DNAH6: variants seen among roughly 807,000 people sequenced by gnomAD.
DNAH6 encodes dynein axonemal heavy chain 6.
Under a neutral mutation model 491.4 loss-of-function variants are expected in DNAH6, and 340 were observed. The ratio of observed to expected loss-of-function variants is 0.69; its 90% CI spans 0.63 to 0.76. The LOEUF is 0.76. Ranked by LOEUF, DNAH6 falls within the 30% of genes least tolerant of loss-of-function variation. DNAH6 has a pLI of 0.00. For synonymous variants in DNAH6, 1,603 were observed against 1,686.1 expected (o/e 0.95, Z 1.21); for missense variants, 4,443 against 4,972.2 (o/e 0.89, Z 3.20).
At chr2:84,735,415 A>G (rs528397706) in intron 62 of DNAH6, among the ~76,000 whole-genome samples, 1 of 152,226 alleles carries the variant, frequency 6.6e-6, no homozygotes, top group Non-Finnish European at 1.5e-5. Context: ...ATACCCAGTA[A>G]TGGGATTGTG....
intron 29 of DNAH6, among the ~76,000 whole-genome samples, chr2:84,631,238 A>G (rs780960726): frequency 6.6e-6 from 1 of 152,076 alleles, no homozygotes; most frequent in Non-Finnish European, 1.5e-5. Flanking sequence ...AACACACAAG[A>G]ATGCTGTCCA....
At chr2:84,771,815 A>G (rs940665823) in intron 64 of DNAH6, among the ~76,000 whole-genome samples, 20 of 152,214 alleles carry the variant, frequency 1.3e-4, no homozygotes, top group African/African-American at 4.6e-4. Flanking sequence ...ACTGCCCTAC[A>G]AGAAATACTA....
At chr2:84,813,377 G>A (rs1361571012) in intron 74 of DNAH6, among the ~76,000 whole-genome samples, 2 of 152,198 alleles carry the variant, frequency 1.3e-5, no homozygotes, top group Non-Finnish European at 2.9e-5. Context: ...AGGCACTGCT[G>A]CCTCCACAAA....
the DNAH6 span, among the ~76,000 whole-genome samples, chr2:84,495,858 T>C: frequency 6.6e-6 from 1 of 152,176 alleles, no homozygotes; most frequent in Non-Finnish European, 1.5e-5. Context: ...TGAGAGGTGA[T>C]TGGTCACAGA....
intron 62 of DNAH6, among the ~76,000 whole-genome samples, chr2:84,735,280 T>C (rs1699446215): frequency 6.6e-6 from 1 of 152,248 alleles, no homozygotes; most frequent in Admixed American, 6.5e-5. Context: ...TACCACATTT[T>C]CTTTGTCCAG....
intron 21 of DNAH6, among the ~76,000 whole-genome samples, chr2:84,609,299 G>T (rs1686083921): frequency 2.0e-5 from 3 of 152,038 alleles, no homozygotes; most frequent in African/African-American, 4.8e-5. Flanking sequence ...TTAATTGTTT[G>T]GTGCAAGAGG....
intron 63 of DNAH6, among the ~76,000 whole-genome samples, chr2:84,757,053 G>A (rs1674104320): frequency 6.6e-6 from 1 of 152,174 alleles, no homozygotes; most frequent in African/African-American, 2.4e-5. Flanking sequence ...TTTGCAGAGG[G>A]TGATCTTTAA....
intron 67 of DNAH6, 39 bp from the exon 68 acceptor site, chr2:84,787,125 T>C (rs567674452): frequency 7.0e-7 from 1 of 1,437,644 alleles, no homozygotes; most frequent in Admixed American, 2.8e-5. Flanking sequence ...ATTAATTTTA[T>C]CAAATTTTAT....
intron 65 of DNAH6, among the ~76,000 whole-genome samples, chr2:84,782,674 CTT>C (rs1040311895): frequency 6.6e-6 from 1 of 152,172 alleles, no homozygotes; most frequent in Non-Finnish European, 1.5e-5. Flanking sequence ...TATTTCCACT[CTT>C]TTGCTGTCAA....
chr2:84,521,707 C>T (rs1404129741), intron 2 of DNAH6, among the ~76,000 whole-genome samples: 5 of 152,106 alleles, frequency 3.3e-5, no homozygotes, highest in African/African-American at 1.2e-4. Flanking sequence ...CCAGTTATCC[C>T]AGTACCATTT....
intron 68 of DNAH6, among the ~76,000 whole-genome samples, 190 bp from the exon 69 acceptor site, chr2:84,796,116 A>AT (rs1394377357): frequency 6.6e-6 from 1 of 152,124 alleles, no homozygotes; most frequent in African/African-American, 2.4e-5. Flanking sequence ...CATATAGTAG[A>AT]TTTTTTCTAC....
At chr2:84,819,228 C>T (rs1218159634) in intron 76 of DNAH6, 77 bp from the exon 77 acceptor site, 3 of 1,069,452 alleles carry the variant, frequency 2.8e-6, no homozygotes, top group Non-Finnish European at 2.7e-6. Context: ...GATGTCTTGA[C>T]TCTTTGTAGC....
Position 84,577,421 on chromosome 2 carries a change from T to C in DNAH6, c.2076+13T>C, listed in dbSNP as rs551742120. On this transcript the variant is annotated intron_variant, in intron 13 of 76. Coordinates refer to ENST00000389394, the MANE Select transcript of DNAH6 (RefSeq NM_001370.2). Reference sequence around the variant, plus strand: ...GCGATGCTTAGAGGTAACTATAAACTAGAAAAAAAAATAATTATTCCTCTA... The same window carrying C: ...GCGATGCTTAGAGGTAACTATAAACCAGAAAAAAAAATAATTATTCCTCTA... 110 of 1,537,436 alleles carry C rather than the reference T, an allele frequency of 7.2e-5. No homozygotes were observed. The South Asian group carries it at 1.1e-3, about 15-fold the overall frequency.
chr2:84,606,235 T>TA (rs1174025669), intron 20 of DNAH6, among the ~76,000 whole-genome samples: 1 of 152,066 alleles, frequency 6.6e-6, no homozygotes, highest in Non-Finnish European at 1.5e-5. Flanking sequence ...AGGCCAGAAT[T>TA]AGAGATAAAA....
chr2:84,744,513 A>T (rs2105040627), intron 62 of DNAH6, among the ~76,000 whole-genome samples: 1 of 152,356 alleles, frequency 6.6e-6, no homozygotes, highest in South Asian at 2.1e-4. Flanking sequence ...ATGTCAACGT[A>T]TTCAGCTATT....
intron 15 of DNAH6, among the ~76,000 whole-genome samples, chr2:84,586,195 T>C (rs528056033): frequency 6.6e-6 from 1 of 152,314 alleles, no homozygotes; most frequent in South Asian, 2.1e-4. Context: ...AGCACAGGAC[T>C]GCCTGAGTCT....
chr2:84,550,264 A>T (rs1438469412), intron 9 of DNAH6, among the ~76,000 whole-genome samples: 1 of 152,108 alleles, frequency 6.6e-6, no homozygotes, highest in Non-Finnish European at 1.5e-5. Flanking sequence ...TCGGGATGAA[A>T]CTGTTCCACC....
intron 61 of DNAH6, among the ~76,000 whole-genome samples, chr2:84,730,576 A>G (rs969500941): frequency 1.3e-5 from 2 of 152,150 alleles, no homozygotes; most frequent in African/African-American, 4.8e-5. Flanking sequence ...CAAAAAAAAA[A>G]TCTCATAATG....
At chr2:84,610,181 G>A (rs1686188396) in intron 21 of DNAH6, among the ~76,000 whole-genome samples, 1 of 152,128 alleles carries the variant, frequency 6.6e-6, no homozygotes, top group African/African-American at 2.4e-5. Context: ...TCAGCTAGAG[G>A]CCATCCTCAG....
Sources: allele counts gnomAD v4.1 joint callset (sites outside exome capture counted in the v4.1 genomes callset), GRCh38; gene constraint gnomAD v4.1.1; transcripts MANE v1.5; gene names NCBI Gene and HGNC (gene_info 2026-07-23, HGNC 2026-07-21).